Variants in TLE4 observed in about 807,000 individuals in gnomAD.
TLE4 encodes transducin-like enhancer protein 4.
Under a neutral mutation model 92.8 loss-of-function variants are expected in TLE4, and 8 were observed. The observed-to-expected ratio is 0.09, with a 90% CI of 0.05 to 0.16. The LOEUF is 0.16. Among genes scored for constraint, TLE4 ranks in the 10% least tolerant of loss-of-function variants. TLE4 has a pLI of 1.00. For missense variants in TLE4, 675 were observed against 997.6 expected (o/e 0.68, Z 4.36); for synonymous variants, 371 against 374.1 (o/e 0.99, Z 0.10).
chr9:79,652,223 G>T (rs1454523349), intron 6 of TLE4, among the ~76,000 whole-genome samples: 2 of 151,022 alleles, frequency 1.3e-5, no homozygotes, highest in Non-Finnish European at 2.9e-5. Context: ...GTCTTGCTCT[G>T]TCGCCCAGGC....
chr9:79,660,511 G>T (rs2060376394), intron 8 of TLE4, among the ~76,000 whole-genome samples: 1 of 151,920 alleles, frequency 6.6e-6, no homozygotes, highest in African/African-American at 2.4e-5. Flanking sequence ...AAAATAAGAT[G>T]GTAATTTGAA....
intron 4 of TLE4, among the ~76,000 whole-genome samples, chr9:79,603,326 C>G (rs1404973541): frequency 1.3e-5 from 2 of 152,084 alleles, no homozygotes; most frequent in Non-Finnish European, 2.9e-5. Context: ...CCAGTGCTAA[C>G]AAGCTTAATT....
chr9:79,682,233 T>A (rs2064859673), intron 8 of TLE4, among the ~76,000 whole-genome samples: 1 of 149,226 alleles, frequency 6.7e-6, no homozygotes, highest in African/African-American at 2.6e-5. Flanking sequence ...ACTGAAAGGT[T>A]TTTTTTGCAT....
intron 14 of TLE4, among the ~76,000 whole-genome samples, 183 bp from the exon 15 acceptor site, chr9:79,718,538 GC>G (rs1335467101): frequency 3.9e-5 from 6 of 152,158 alleles, no homozygotes; most frequent in Admixed American, 6.5e-5. Flanking sequence ...CTGAGATCTG[GC>G]CCTGTAGCAG....
intron 4 of TLE4, among the ~76,000 whole-genome samples, chr9:79,581,517 T>C (rs1339881674): frequency 1.3e-5 from 2 of 152,236 alleles, no homozygotes; most frequent in Admixed American, 1.3e-4. Flanking sequence ...AATTGGAATT[T>C]CCTTTCAATA....
At chr9:79,684,136 T>C (rs1277876907) in intron 8 of TLE4, among the ~76,000 whole-genome samples, 3 of 152,222 alleles carry the variant, frequency 2.0e-5, no homozygotes, top group Non-Finnish European at 4.4e-5. Context: ...TAGTTAACAA[T>C]TACTACCTAA....
At chr9:79,694,250 A>G (rs1387704535) in intron 8 of TLE4, among the ~76,000 whole-genome samples, 1 of 152,182 alleles carries the variant, frequency 6.6e-6, no homozygotes, top group African/African-American at 2.4e-5. Context: ...GAATGGAGCT[A>G]AGATATTTTT....
intron 4 of TLE4, among the ~76,000 whole-genome samples, chr9:79,592,215 CCTCT>C (rs1564203821): frequency 1.3e-4 from 16 of 127,200 alleles, no homozygotes; most frequent in African/African-American, 4.6e-4. Flanking sequence ...TCTTCTTCTT[CCTCT>C]TCTTCTTCTT....
intron 8 of TLE4, among the ~76,000 whole-genome samples, chr9:79,671,933 A>C (rs2062425940): frequency 6.6e-6 from 1 of 151,860 alleles, no homozygotes; most frequent in Non-Finnish European, 1.5e-5. Context: ...GTTAAAAAAA[A>C]AAAAAAGTCA....
At chr9:79,660,175 A>G (rs1020827756) in intron 8 of TLE4, among the ~76,000 whole-genome samples, 3 of 152,182 alleles carry the variant, frequency 2.0e-5, no homozygotes, top group Non-Finnish European at 4.4e-5. Context: ...TTCTGCAACA[A>G]TCCTCTCTAC....
At chr9:79,659,089 A>G (rs1227936796) in intron 8 of TLE4, among the ~76,000 whole-genome samples, 2 of 152,186 alleles carry the variant, frequency 1.3e-5, no homozygotes, top group African/African-American at 4.8e-5. Context: ...TGGTGAAGGT[A>G]GGTGTTATGC....
In TLE4 at chr9:79,606,371, GTGT is replaced by G. The variant is rs1440312947; in HGVS notation, c.253-6283_253-6281del. ...AAGAATACCTAAGATTAGTGTGTGTGTGTTTTTTTTTTTTTTTTAAATACTTTT... is the reference window on the plus strand; with the variant it reads ...AAGAATACCTAAGATTAGTGTGTGTGTTTTTTTTTTTTTTTAAATACTTTT... On this transcript the variant is annotated intron_variant, in intron 4 of 19. Transcript: ENST00000376552. Among the ~76,000 whole-genome samples the G allele has an allele frequency of 3.8e-3, 367 of 97,786 alleles. 5 individuals carry two copies. Among genetic ancestry groups the G allele is most frequent in the African/African-American group, 0.018 (347 of 19,180 alleles). 64.2% of individuals were successfully genotyped at this position (97,786 alleles called of 152,430 possible).
chr9:79,639,964 C>T (rs796353721), intron 6 of TLE4, among the ~76,000 whole-genome samples: 2 of 152,126 alleles, frequency 1.3e-5, no homozygotes, highest in South Asian at 2.1e-4. Context: ...ACACCCAACA[C>T]TGGGGAACTA....
intron 14 of TLE4, among the ~76,000 whole-genome samples, chr9:79,713,840 AATT>A (rs2073908182): frequency 2.4e-5 from 3 of 123,444 alleles, no homozygotes; most frequent in Non-Finnish European, 5.2e-5. Context: ...TTGTTGGAAT[AATT>A]GTTGTTGTTT....
At chr9:79,683,100 A>G (rs1477620076) in intron 8 of TLE4, among the ~76,000 whole-genome samples, 1 of 152,252 alleles carries the variant, frequency 6.6e-6, no homozygotes, top group East Asian at 1.9e-4. Context: ...TGTGGGTTGC[A>G]GAGCCTAAAA....
chr9:79,654,580 A>G (rs909815057), intron 8 of TLE4, among the ~76,000 whole-genome samples: 2 of 151,116 alleles, frequency 1.3e-5, no homozygotes, highest in Non-Finnish European at 2.9e-5. Flanking sequence ...TCAAATTAAC[A>G]TTTTGGTATC....
chr9:79,681,591 A>G (rs1173288101), intron 8 of TLE4, among the ~76,000 whole-genome samples: 7 of 152,154 alleles, frequency 4.6e-5, no homozygotes, highest in Non-Finnish European at 1.5e-5. Flanking sequence ...CACATTAAGG[A>G]CATTCTAGAC....
chr9:79,645,466 C>CT (rs1438493010), intron 6 of TLE4, among the ~76,000 whole-genome samples: 1 of 152,190 alleles, frequency 6.6e-6, no homozygotes, highest in African/African-American at 2.4e-5. Flanking sequence ...TGGTCAATGA[C>CT]TTGTCAGTCC....
intron 8 of TLE4, among the ~76,000 whole-genome samples, chr9:79,680,687 G>A (rs1165988641): frequency 6.6e-6 from 1 of 152,132 alleles, no homozygotes; most frequent in Non-Finnish European, 1.5e-5. Flanking sequence ...GTGAGAGAGG[G>A]CATCCCTGTC....
Sources: gnomAD v4.1 joint callset for allele counts (sites outside exome capture counted in the v4.1 genomes callset) on GRCh38, gnomAD v4.1.1 for gene constraint, MANE v1.5 for transcripts, NCBI Gene and HGNC (gene_info 2026-07-23, HGNC 2026-07-21) for gene names.